TRIM51G: variants seen among roughly 807,000 people sequenced by gnomAD.
TRIM51G encodes the protein tripartite motif-containing 51G.
the TRIM51G span, chr11:48,978,926 T>C: frequency 8.8e-6 from 14 of 1,587,114 alleles, no homozygotes; most frequent in Middle Eastern, 8.3e-4. Flanking sequence ...CCTCATACAT[T>C]CCTCTTAAAA....
chr11:48,981,164 A>T, the TRIM51G span: 1 of 1,448,146 alleles, frequency 6.9e-7, no homozygotes, highest in Non-Finnish European at 9.4e-7. Context: ...GAAGTCAAGG[A>T]AGCTCATAAC....
At chr11:48,978,967 T>C in the TRIM51G span, 87 of 1,570,600 alleles carry the variant, frequency 5.5e-5, 2 homozygotes, top group South Asian at 9.3e-4. Flanking sequence ...CTGGCTTTGC[T>C]TTCATTGAGT....
chr11:48,981,274 G>C, the TRIM51G span: 4 of 1,603,372 alleles, frequency 2.5e-6, no homozygotes, highest in African/African-American at 4.0e-5. Context: ...ATCTTCAGAG[G>C]CATCACTTAC....
At chr11:48,982,712 TC>T in the TRIM51G span, among the ~76,000 whole-genome samples, 6 of 151,244 alleles carry the variant, frequency 4.0e-5, no homozygotes, top group African/African-American at 1.5e-4. Context: ...GAACAAATTC[TC>T]CTAGTGGACT....
the TRIM51G span, chr11:48,980,757 T>C: frequency 2.7e-6 from 1 of 371,180 alleles, no homozygotes; most frequent in Admixed American, 3.8e-5. Context: ...CTAACTTATA[T>C]AAAAAATTAG....
chr11:48,977,922 AT>A, the TRIM51G span, among the ~76,000 whole-genome samples: 1 of 150,514 alleles, frequency 6.6e-6, no homozygotes, highest in East Asian at 2.0e-4. Context: ...TTATTTATTT[AT>A]TTATTTTTGG....
At chr11:48,980,016 A>C in the TRIM51G span, among the ~76,000 whole-genome samples, 2 of 151,716 alleles carry the variant, frequency 1.3e-5, no homozygotes, top group East Asian at 3.9e-4. Context: ...TCCTTTTCTA[A>C]CTTCCTGCTT....
the TRIM51G span, chr11:48,981,472 G>A: frequency 3.1e-6 from 5 of 1,607,384 alleles, no homozygotes; most frequent in South Asian, 1.1e-5. Context: ...TCTGGCAATG[G>A]AAGCCATGTT....
chr11:48,983,776 C>G, the TRIM51G span, among the ~76,000 whole-genome samples: 1 of 152,024 alleles, frequency 6.6e-6, no homozygotes, highest in African/African-American at 2.4e-5. Context: ...GTAATTCTTC[C>G]AAGAAAAAAT....
At chr11:48,981,628 A>G in the TRIM51G span, 6 of 1,599,906 alleles carry the variant, frequency 3.8e-6, no homozygotes, top group East Asian at 2.2e-5. Flanking sequence ...GACTGGGTCT[A>G]TGAAGTAGTT....
the TRIM51G span, chr11:48,981,642 G>A: frequency 1.3e-6 from 2 of 1,599,046 alleles, no homozygotes; most frequent in East Asian, 2.2e-5. Flanking sequence ...AGTAGTTCAT[G>A]CAGATGGGAC....
At chr11:48,978,310 C>A in the TRIM51G span, 15 of 410,192 alleles carry the variant, frequency 3.7e-5, no homozygotes, top group Admixed American at 1.0e-4. Flanking sequence ...TCATGAAAAT[C>A]CCAGTCTATC....
At chr11:48,981,246 T>C in the TRIM51G span, 5 of 1,599,708 alleles carry the variant, frequency 3.1e-6, no homozygotes, top group Non-Finnish European at 3.4e-6. Flanking sequence ...GAATTCCATG[T>C]GTCCTGTATA....
chr11:48,977,314 C>A, the TRIM51G span: 2 of 541,952 alleles, frequency 3.7e-6, no homozygotes, highest in Non-Finnish European at 6.8e-6. Context: ...TTATCATTTT[C>A]TTTTTCAAAT....
chr11:48,981,402 C>A, the TRIM51G span: 2 of 1,607,950 alleles, frequency 1.2e-6, no homozygotes, highest in Non-Finnish European at 1.7e-6. Flanking sequence ...TCTCCTTTGT[C>A]TCTCTGTGCG....
the TRIM51G span, among the ~76,000 whole-genome samples, chr11:48,976,418 T>C: frequency 6.6e-6 from 1 of 152,142 alleles, no homozygotes; most frequent in African/African-American, 2.4e-5. Context: ...TCTAGATAAC[T>C]GGATAAAAGT....
the TRIM51G span, among the ~76,000 whole-genome samples, chr11:48,976,800 G>T: frequency 1.3e-5 from 2 of 151,952 alleles, no homozygotes; most frequent in Non-Finnish European, 2.9e-5. Flanking sequence ...TTCCTTCTGA[G>T]CATTTTTCCA....
At chr11:48,981,357 C>A in the TRIM51G span, 1,665 of 1,607,392 alleles carry the variant, frequency 1.0e-3, no homozygotes, top group Non-Finnish European at 1.4e-3. Flanking sequence ...TGGAGCACAG[C>A]AAACAGAGCA....
the TRIM51G span, chr11:48,979,041 A>G: frequency 2.0e-6 from 2 of 994,522 alleles, no homozygotes; most frequent in South Asian, 2.5e-5. Context: ...TTCTTCATGG[A>G]AAAATGCAAC....
Sources: allele counts gnomAD v4.1 joint callset (sites outside exome capture counted in the v4.1 genomes callset), GRCh38; gene constraint gnomAD v4.1.1; transcripts MANE v1.5; gene names NCBI Gene and HGNC (gene_info 2026-07-23, HGNC 2026-07-21).